ERBB4: variants seen among roughly 807,000 people sequenced by gnomAD.
ERBB4 encodes erb-b2 receptor tyrosine kinase 4.
A neutral mutation model predicts 158.0 loss-of-function variants in ERBB4; 42 were observed. The observed-to-expected ratio is 0.27, with a 90% CI of 0.21 to 0.34. The LOEUF is 0.34. Among genes scored for constraint, ERBB4 ranks in the 10% least tolerant of loss-of-function variants. The pLI is 1.00. For synonymous variants in ERBB4, 583 were observed against 558.7 expected, an observed-to-expected ratio of 1.04 and a Z score of -0.61; for missense variants, 1,333 against 1,624.1, an observed-to-expected ratio of 0.82 and a Z score of 3.08.
intron 7 of ERBB4, among the ~76,000 whole-genome samples, chr2:211,714,662 A>G (rs930526306): frequency 2.6e-5 from 4 of 152,310 alleles, no homozygotes; most frequent in Middle Eastern, 3.4e-3. Flanking sequence ...CACACCATTT[A>G]ATAAACAGCT....
chr2:211,920,874 G>A (rs2079840693), intron 3 of ERBB4, among the ~76,000 whole-genome samples: 2 of 151,882 alleles, frequency 1.3e-5, no homozygotes, highest in Non-Finnish European at 2.9e-5. Context: ...TTGAACAACA[G>A]AGTGTGTTAA....
At position 211,382,340 on chromosome 2, in the gene ERBB4, C is replaced by T. The variant is rs2062587166; in HGVS notation, c.*1275G>A. 1 of 232,324 alleles carries T rather than the reference C, an allele frequency of 4.3e-6. No homozygotes were observed. The highest frequency in any genetic ancestry group is 2.2e-5 in the African/African-American group (1 of 45,280). The allele number at this position is 232,324 out of a possible 1,614,324, so 14.4% of individuals were successfully genotyped here. A position where few individuals can be genotyped will look rare whatever the true frequency, so the allele number is the denominator to read the frequency against. ...GTGACATATGAAGATAATGTGCTGG[C>T]CTCTCATCATAGTCCCTGGATACCG... is the stretch of plus-strand genomic sequence containing the variant. On this transcript the variant is annotated 3_prime_UTR_variant, in exon 28 of 28. Transcript: ENST00000342788.
intron 4 of ERBB4, among the ~76,000 whole-genome samples, chr2:211,781,836 CACAG>C (rs375145111): frequency 3.9e-5 from 6 of 152,250 alleles, no homozygotes; most frequent in African/African-American, 7.2e-5. Context: ...CAGGCAGGAG[CACAG>C]ACAATTACTT....
rs572076463 is a variant in ERBB4 at position 211,387,271 on chromosome 2, G to T, written c.3184-121C>A. The T allele has an allele frequency of 8.9e-3, 7,864 of 878,766 alleles. 97 individuals are homozygous for T. Among genetic ancestry groups the T allele is most frequent in the South Asian group, 0.031 (2,196 of 71,580 alleles). The allele number at this position is 878,766 out of a possible 1,614,324, so 54.4% of individuals were successfully genotyped here. On this transcript the variant is annotated intron_variant, in intron 26 of 27. Transcript: ENST00000342788. ...CAGAGAATAGTCATAGTATTTACTG[G>T]TTTTTTTTCCCCTAGTGGCTAATGG...
At chr2:211,431,803 G>GAAATT (rs2063753534) in intron 20 of ERBB4, among the ~76,000 whole-genome samples, 1 of 151,988 alleles carries the variant, frequency 6.6e-6, no homozygotes, top group Non-Finnish European at 1.5e-5. Flanking sequence ...AACATAGAGG[G>GAAATT]AAATTAAAAA....
chr2:212,395,798 T>C (rs531808528), intron 1 of ERBB4, among the ~76,000 whole-genome samples: 6 of 152,130 alleles, frequency 3.9e-5, no homozygotes, highest in African/African-American at 1.2e-4. Context: ...TTTTGTATTT[T>C]ATTAGAGACG....
intron 20 of ERBB4, among the ~76,000 whole-genome samples, chr2:211,512,920 G>A (rs536720823): frequency 6.6e-6 from 1 of 152,130 alleles, no homozygotes; most frequent in African/African-American, 2.4e-5. Context: ...AAAGATGTCG[G>A]GTAGAAATTA....
intron 20 of ERBB4, among the ~76,000 whole-genome samples, chr2:211,560,535 A>G (rs989174935): frequency 6.6e-6 from 1 of 151,920 alleles, no homozygotes; most frequent in African/African-American, 2.4e-5. Flanking sequence ...CGGCCCCCCA[A>G]AGTGCTGGGA....
At chr2:212,110,088 T>C (rs900417512) in intron 2 of ERBB4, among the ~76,000 whole-genome samples, 1 of 152,146 alleles carries the variant, frequency 6.6e-6, no homozygotes, top group Non-Finnish European at 1.5e-5. Context: ...TGAGAATTTC[T>C]CTTAAAAAGA....
At chr2:211,467,800 AC>A (rs989734788) in intron 20 of ERBB4, among the ~76,000 whole-genome samples, 1 of 152,162 alleles carries the variant, frequency 6.6e-6, no homozygotes, top group African/African-American at 2.4e-5. Context: ...TTCTCCTCCA[AC>A]CCACCAAAGG....
At chr2:211,945,889 A>AT (rs2080674819) in intron 3 of ERBB4, among the ~76,000 whole-genome samples, 2 of 151,962 alleles carry the variant, frequency 1.3e-5, no homozygotes, top group South Asian at 2.1e-4. Flanking sequence ...AAATTTATTC[A>AT]TTTTTTTCTT....
chr2:212,474,206 AT>A (rs547655901), intron 1 of ERBB4, among the ~76,000 whole-genome samples: 566 of 146,346 alleles, frequency 3.9e-3, no homozygotes, highest in Admixed American at 6.6e-3. Flanking sequence ...CAAAATAGTG[AT>A]TTTTTTTTTT....
intron 16 of ERBB4, among the ~76,000 whole-genome samples, chr2:211,653,110 G>T (rs1019419569): frequency 9.2e-5 from 14 of 152,056 alleles, no homozygotes; most frequent in Non-Finnish European, 1.8e-4. Flanking sequence ...GAATGAAAAA[G>T]TCTTGCTAAA....
chr2:211,963,423 A>G (rs2081234047), intron 2 of ERBB4, among the ~76,000 whole-genome samples: 1 of 152,156 alleles, frequency 6.6e-6, no homozygotes, highest in Admixed American at 6.6e-5. Flanking sequence ...TAAAAGTAAT[A>G]AAAACAGTGC....
At chr2:211,661,480 A>G (rs1260083323) in intron 15 of ERBB4, among the ~76,000 whole-genome samples, 1 of 152,202 alleles carries the variant, frequency 6.6e-6, no homozygotes, top group Non-Finnish European at 1.5e-5. Context: ...TTCCAAAACA[A>G]TATCTAAAGT....
intron 1 of ERBB4, among the ~76,000 whole-genome samples, chr2:212,438,336 A>G (rs2092182480): frequency 6.6e-6 from 1 of 152,126 alleles, no homozygotes; most frequent in African/African-American, 2.4e-5. Context: ...GGAGAAAAAT[A>G]CCATTAAATG....
intron 2 of ERBB4, among the ~76,000 whole-genome samples, chr2:211,962,259 C>T (rs1045721895): frequency 7.9e-5 from 12 of 152,124 alleles, no homozygotes; most frequent in African/African-American, 2.9e-4. Context: ...TCACATCTCT[C>T]CAATTGATAT....
At chr2:212,266,083 G>T (rs749634968) in intron 1 of ERBB4, among the ~76,000 whole-genome samples, 7 of 151,972 alleles carry the variant, frequency 4.6e-5, no homozygotes, top group East Asian at 1.9e-4. Flanking sequence ...TGAGTGACTA[G>T]AGCCTCCGTC....
intron 16 of ERBB4, among the ~76,000 whole-genome samples, chr2:211,631,181 T>C (rs1161069207): frequency 3.3e-5 from 5 of 152,042 alleles, no homozygotes; most frequent in Non-Finnish European, 4.4e-5. Context: ...TCTCCAGACA[T>C]TCCCAAAGAT....
Sources: allele counts gnomAD v4.1 joint callset (sites outside exome capture counted in the v4.1 genomes callset), GRCh38; gene constraint gnomAD v4.1.1; transcripts MANE v1.5; gene names NCBI Gene and HGNC (gene_info 2026-07-23, HGNC 2026-07-21).